Variants in PLA2G2C observed in about 807,000 individuals in gnomAD.
PLA2G2C encodes phospholipase A2 group IIC.
A neutral mutation model predicts 14.3 loss-of-function variants in PLA2G2C; 15 were observed. The ratio of observed to expected loss-of-function variants is 1.05; its 90% confidence interval spans 0.70 to 1.62. The LOEUF is 1.62. Ranked by LOEUF, PLA2G2C falls within the 40% of genes most tolerant of loss-of-function variation. The probability of loss-of-function intolerance (pLI) is 0.00; values close to 1 mark genes in which losing one functional copy is unlikely to be tolerated. For missense variants in PLA2G2C, 162 were observed against 173.2 expected, an observed-to-expected ratio of 0.94 and a Z score of 0.36; for synonymous variants, 79 against 67.7, an observed-to-expected ratio of 1.17 and a Z score of -0.82.
intron 4 of PLA2G2C, among the ~76,000 whole-genome samples, chr1:20,165,115 C>T (rs1441725867): frequency 1.3e-5 from 2 of 152,226 alleles, no homozygotes; most frequent in Non-Finnish European, 2.9e-5. Context: ...CGCCCTCCCC[C>T]TCCACTCTCC....
intron 3 of PLA2G2C, among the ~76,000 whole-genome samples, chr1:20,174,062 C>T (rs568610936): frequency 1.3e-5 from 2 of 152,160 alleles, no homozygotes; most frequent in Non-Finnish European, 2.9e-5. Context: ...GCATTCCCTG[C>T]GAGAATTAAA....
intron 1 of PLA2G2C, among the ~76,000 whole-genome samples, chr1:20,179,886 G>A (rs1432196679): frequency 6.6e-6 from 1 of 150,418 alleles, no homozygotes; most frequent in African/African-American, 2.5e-5. Context: ...CAGCTTCTGT[G>A]TGTCAGCTTC....
chr1:20,181,139 C>T (rs1401195174), intron 1 of PLA2G2C, among the ~76,000 whole-genome samples: 2 of 152,190 alleles, frequency 1.3e-5, no homozygotes, highest in Non-Finnish European at 2.9e-5. Flanking sequence ...TAAATCTTCA[C>T]ATCCCCTAGC....
rs753905219 is a variant in PLA2G2C at position 20,175,122 on chromosome 1, G to A, written c.64C>T (p.Gln22Ter). The A allele has an allele frequency of 6.8e-6, 11 of 1,613,796 alleles. No individual in the cohort carries two copies. The African/African-American group carries it at 1.2e-4, about 18-fold the overall frequency. The change falls in exon 3 of 5, where the codon CAG becomes TAG. Residue 22 changes from glutamine (Q) to a stop codon, truncating the protein, a stop_gained. Coordinates refer to ENST00000679259, the MANE Select transcript of PLA2G2C (RefSeq NM_001367969.2). LOFTEE classifies it high-confidence loss of function. ...ATGTGTTTGACCCTCCTCTGAAACT[G>A]CCAGAAACTGCTGTGGGTGGGGGCT... ...FCSPTHSSFWQFQRRVKHITG... is the reference protein window; with the variant it reads ...FCSPTHSSFW
At chr1:20,181,115 A>G (rs1010151085) in intron 1 of PLA2G2C, among the ~76,000 whole-genome samples, 19 of 152,174 alleles carry the variant, frequency 1.2e-4, no homozygotes, top group Non-Finnish European at 2.8e-4. Flanking sequence ...AGCACTTTAC[A>G]TATATTTACT....
intron 3 of PLA2G2C, among the ~76,000 whole-genome samples, chr1:20,173,709 C>A (rs2100718904): frequency 6.6e-6 from 1 of 152,322 alleles, no homozygotes; most frequent in African/African-American, 2.4e-5. Context: ...GGGCTCAGTC[C>A]ATGTCCTCAA....
intron 4 of PLA2G2C, among the ~76,000 whole-genome samples, chr1:20,165,451 G>A (rs1477112603): frequency 7.2e-5 from 11 of 152,220 alleles, no homozygotes. Context: ...GTGTGCGGCT[G>A]AGACCTTGTC....
intron 3 of PLA2G2C, 58 bp from the exon 4 acceptor site, chr1:20,172,955 C>T: frequency 2.4e-6 from 3 of 1,269,496 alleles, no homozygotes; most frequent in Non-Finnish European, 2.3e-6. Flanking sequence ...CTAGAAAGGG[C>T]TCACCTGCCT....
chr1:20,183,206 T>C (rs1215478781), intron 1 of PLA2G2C, among the ~76,000 whole-genome samples: 1 of 152,196 alleles, frequency 6.6e-6, no homozygotes, highest in Non-Finnish European at 1.5e-5. Context: ...CCTGTGCTTA[T>C]CATCACCATT....
chr1:20,167,073 C>G (rs1365704180), intron 4 of PLA2G2C, among the ~76,000 whole-genome samples: 1 of 152,212 alleles, frequency 6.6e-6, no homozygotes, highest in Admixed American at 6.5e-5. Flanking sequence ...TGAACTACAT[C>G]TCCACAAATA....
chr1:20,185,926 CA>C (rs1347167374), intron 1 of PLA2G2C, among the ~76,000 whole-genome samples: 2 of 152,232 alleles, frequency 1.3e-5, no homozygotes, highest in Non-Finnish European at 2.9e-5. Flanking sequence ...GCCTCCAGGC[CA>C]GGCAATCCAC....
Position 20,164,213 on chromosome 1 carries a change from C to T in PLA2G2C, c.284-56G>A, listed in dbSNP as rs7543778. On this transcript the variant is annotated intron_variant, in intron 4 of 4. Transcript: ENST00000679259. Reference sequence around the variant, plus strand: ...CCCAGCCCAGCCCCAGGGTTTGGTTCTAAGGCTGGGGAGAACTGGGAGCTC... The same window carrying T: ...CCCAGCCCAGCCCCAGGGTTTGGTTTTAAGGCTGGGGAGAACTGGGAGCTC... The T allele has an allele frequency of 1.6e-3, 2,460 of 1,550,872 alleles. 24 individuals are homozygous for T. In the African/African-American group the frequency reaches 0.026, roughly 16 times the overall value.
chr1:20,184,293 T>G (rs1013211876), intron 1 of PLA2G2C: 5 of 152,194 alleles, frequency 3.3e-5, no homozygotes, highest in Admixed American at 2.0e-4. Flanking sequence ...AAATAGCTGA[T>G]GAAGAATCCA....
At chr1:20,184,197 G>GCACACACACACACACACACA (rs5772887) in intron 1 of PLA2G2C, 9 of 149,618 alleles carry the variant, frequency 6.0e-5, no homozygotes, top group African/African-American at 2.2e-4. Flanking sequence ...GTGCGCACAC[G>GCACACACACACACACACACA]CACACACACA....
rs1350001750 is a variant in PLA2G2C, at chr1:20,170,970, T to C, written c.283+1824A>G. Among the ~76,000 whole-genome samples, 2 of 140,500 alleles carry C rather than the reference T, an allele frequency of 1.4e-5. 1 individual carries two copies. Among genetic ancestry groups the C allele is most frequent in the Non-Finnish European group, 3.1e-5 (2 of 64,394 alleles). The allele number at this position is 140,500 out of a possible 152,430, so 92.2% of individuals were successfully genotyped here. A position where few individuals can be genotyped will look rare whatever the true frequency, so the allele number is the denominator to read the frequency against. Reference sequence around the variant, plus strand: ...TCAACCTTTGCTCCACTCTCCCTCATCTCCTGGGGTCCTGGGCTGGGAGGG... The same window carrying C: ...TCAACCTTTGCTCCACTCTCCCTCACCTCCTGGGGTCCTGGGCTGGGAGGG... On this transcript the variant is annotated intron_variant, in intron 4 of 4. Transcript: ENST00000679259.
At chr1:20,176,493 G>A (rs2100721613) in intron 2 of PLA2G2C, among the ~76,000 whole-genome samples, 1 of 152,340 alleles carries the variant, frequency 6.6e-6, no homozygotes, top group East Asian at 1.9e-4. Context: ...TTTCTCAGGT[G>A]CCTTCGATCT....
chr1:20,165,070 C>T (rs1023307847), intron 4 of PLA2G2C, among the ~76,000 whole-genome samples: 5 of 152,218 alleles, frequency 3.3e-5, no homozygotes, highest in South Asian at 2.1e-4. Context: ...GCACACTTGC[C>T]GGGATGCCAC....
At chr1:20,185,718 C>T (rs183301044) in intron 1 of PLA2G2C, among the ~76,000 whole-genome samples, 1 of 152,266 alleles carries the variant, frequency 6.6e-6, no homozygotes, top group Non-Finnish European at 1.5e-5. Flanking sequence ...GTCCCACAGC[C>T]TCATTTTAAA....
intron 2 of PLA2G2C, 130 bp downstream of exon 2, chr1:20,177,194 T>C (rs887652788): frequency 1.3e-5 from 9 of 691,852 alleles, no homozygotes; most frequent in Non-Finnish European, 2.4e-5. Context: ...TGGGAGCCCG[T>C]TCCTTTCCTG....
Sources: allele counts gnomAD v4.1 joint callset (sites outside exome capture counted in the v4.1 genomes callset), GRCh38; gene constraint gnomAD v4.1.1; transcripts MANE v1.5; gene names NCBI Gene and HGNC (gene_info 2026-07-23, HGNC 2026-07-21).